Variants in SAMD12 observed in about 807,000 individuals in gnomAD.
SAMD12 encodes the protein sterile alpha motif domain containing 12, also known as sterile alpha motif domain-containing protein 12.
In SAMD12, 9 loss-of-function variants were observed where a neutral mutation model predicts 15.0. The ratio of observed to expected loss-of-function variants is 0.60; its 90% CI spans 0.36 to 1.05. SAMD12 has a LOEUF of 1.05. SAMD12 is among the 50% of genes least tolerant of loss of function. SAMD12 has a pLI of 0.01. For missense variants in SAMD12, 230 were observed against 234.2 expected (o/e 0.98, Z 0.12); for synonymous variants, 86 against 90.1 (o/e 0.96, Z 0.25).
chr8:118,569,386 A>G (rs1488711079), intron 2 of SAMD12, among the ~76,000 whole-genome samples: 1 of 152,294 alleles, frequency 6.6e-6, no homozygotes, highest in East Asian at 1.9e-4. Context: ...CATTTGGATG[A>G]GATACTGAAC....
At chr8:118,149,026 G>T in the SAMD12 span, among the ~76,000 whole-genome samples, 1 of 152,226 alleles carries the variant, frequency 6.6e-6, no homozygotes, top group South Asian at 2.1e-4. Context: ...CATACATACA[G>T]TTTTATTTTT....
In SAMD12 at chr8:118,379,427, A is replaced by G. The variant is rs754562447; in HGVS notation, c.596T>C (p.Ile199Thr). ...LHRISIIENS[I>T]QI Reference sequence around the variant, plus strand: ...CAAAGGGAAGTAATCTTAAATCTGTATACTATTTTCTATGATGGAAATTCT... The same window carrying G: ...CAAAGGGAAGTAATCTTAAATCTGTGTACTATTTTCTATGATGGAAATTCT... Residue 199 changes from isoleucine (I) to threonine (T), a missense_variant, in exon 4 of 4, where the codon ATA becomes ACA. Physicochemically the swap from Ile to Thr is moderately conservative, Grantham distance 89. Coordinates refer to ENST00000314727, the MANE Select transcript of SAMD12 (RefSeq NM_207506.3). The G allele has an allele frequency of 8.7e-6, 14 of 1,613,302 alleles. No individual in the cohort carries two copies. In the Admixed American group the frequency reaches 2.0e-4, roughly 23 times the overall value.
chr8:118,272,811 A>G (rs1248798140), intron 4 of SAMD12, among the ~76,000 whole-genome samples: 1 of 152,148 alleles, frequency 6.6e-6, no homozygotes, highest in African/African-American at 2.4e-5. Flanking sequence ...TTCATTGTCC[A>G]TATCACTATT....
At chr8:118,556,295 A>C (rs1452298161) in intron 2 of SAMD12, among the ~76,000 whole-genome samples, 6 of 152,230 alleles carry the variant, frequency 3.9e-5, no homozygotes, top group African/African-American at 7.2e-5. Flanking sequence ...AAATTCTAGA[A>C]CTGAAAATGC....
At chr8:118,390,748 T>G (rs1367202558) in intron 3 of SAMD12, among the ~76,000 whole-genome samples, 1 of 152,158 alleles carries the variant, frequency 6.6e-6, no homozygotes, top group Non-Finnish European at 1.5e-5. Flanking sequence ...TTTAGATGAT[T>G]AGCAGTTAAT....
intron 2 of SAMD12, among the ~76,000 whole-genome samples, chr8:118,548,801 G>C (rs1826221940): frequency 6.6e-6 from 1 of 152,220 alleles, no homozygotes; most frequent in Non-Finnish European, 1.5e-5. Flanking sequence ...GACGGCACCT[G>C]GAAAATCGGG....
At chr8:118,563,766 G>T (rs1275140915) in intron 2 of SAMD12, among the ~76,000 whole-genome samples, 2 of 152,160 alleles carry the variant, frequency 1.3e-5, no homozygotes, top group Non-Finnish European at 2.9e-5. Context: ...AAATGAACAG[G>T]TTGGATTAGA....
chr8:118,386,146 A>G (rs1819944194), intron 3 of SAMD12, among the ~76,000 whole-genome samples: 1 of 152,206 alleles, frequency 6.6e-6, no homozygotes, highest in South Asian at 2.1e-4. Flanking sequence ...CAGGGGCTTC[A>G]AACAATAGAA....
At chr8:118,393,046 A>G (rs893567828) in intron 3 of SAMD12, among the ~76,000 whole-genome samples, 2 of 152,066 alleles carry the variant, frequency 1.3e-5, no homozygotes, top group Admixed American at 6.5e-5. Context: ...ACAACAAAAC[A>G]CTTACTTTTG....
At chr8:118,599,919 A>T (rs1221194997) in intron 1 of SAMD12, among the ~76,000 whole-genome samples, 1 of 152,172 alleles carries the variant, frequency 6.6e-6, no homozygotes, top group Non-Finnish European at 1.5e-5. Flanking sequence ...AGGCGACTCA[A>T]TTAGAAACCC....
chr8:118,378,996 A>G lies in SAMD12; in HGVS notation c.*421T>C. On this transcript the variant is annotated 3_prime_UTR_variant, in exon 4 of 4. Coordinates refer to ENST00000314727, the MANE Select transcript of SAMD12 (RefSeq NM_207506.3). The stretch of plus-strand genomic sequence containing the variant: ...TTTCAAGAAGCTAAATGGGGTTCTT[A>G]CAATCTCTAAAGTGTGTGTGTATAA... The G allele has an allele frequency of 3.1e-6, 3 of 979,526 alleles. No individual in the cohort carries two copies. Among genetic ancestry groups the G allele is most frequent in the Non-Finnish European group, 3.7e-6 (3 of 821,750 alleles). 60.7% of individuals were successfully genotyped at this position (979,526 alleles called of 1,614,324 possible).
chr8:118,447,303 T>C (rs946362428), intron 2 of SAMD12, among the ~76,000 whole-genome samples: 1 of 149,450 alleles, frequency 6.7e-6, no homozygotes, highest in Non-Finnish European at 1.5e-5. Context: ...GTTGAAATCT[T>C]TTTTTTTTTT....
the SAMD12 span, among the ~76,000 whole-genome samples, chr8:118,150,956 C>T: frequency 6.6e-6 from 1 of 151,994 alleles, no homozygotes; most frequent in Non-Finnish European, 1.5e-5. Flanking sequence ...ACCTGTAGTC[C>T]TAGCCTCTTG....
At chr8:118,593,318 C>T (rs952551763) in intron 1 of SAMD12, among the ~76,000 whole-genome samples, 4 of 151,974 alleles carry the variant, frequency 2.6e-5, no homozygotes, top group African/African-American at 2.4e-5. Context: ...GATAAGTATA[C>T]GAGTTGCTAA....
rs4053452 is a variant in SAMD12, at chr8:118,321,144, A to AATATATATATAT, written c.433+58404_433+58415dup. Among the ~76,000 whole-genome samples, 208 of 94,396 alleles carry AATATATATATAT rather than the reference A, an allele frequency of 2.2e-3. 2 individuals carry two copies. The highest frequency in any genetic ancestry group is 3.2e-3 in the African/African-American group (79 of 24,632). 61.9% of individuals were successfully genotyped at this position (94,396 alleles called of 152,430 possible). On this transcript the variant is annotated intron_variant, in intron 4 of 4. Coordinates refer to the SAMD12 transcript ENST00000409003. Reference sequence around the variant, plus strand: ...TATAACATATATATCATAGATAATAAATATATATATATATATATATATATA... The same window carrying AATATATATATAT: ...TATAACATATATATCATAGATAATAAATATATATATATATATATATATATATATATATATATA...
chr8:118,247,575 A>C (rs1812725819), intron 4 of SAMD12, among the ~76,000 whole-genome samples: 1 of 151,714 alleles, frequency 6.6e-6, no homozygotes, highest in South Asian at 2.1e-4. Flanking sequence ...AAACTTTAAA[A>C]ATTTTATTTA....
intron 2 of SAMD12, among the ~76,000 whole-genome samples, chr8:118,449,420 T>G (rs1823009774): frequency 6.6e-6 from 1 of 151,750 alleles, no homozygotes; most frequent in African/African-American, 2.4e-5. Context: ...GAGATGGTGT[T>G]AGGTATAGTC....
intron 4 of SAMD12, among the ~76,000 whole-genome samples, chr8:118,252,203 G>C (rs1039156280): frequency 2.6e-5 from 4 of 152,172 alleles, no homozygotes; most frequent in African/African-American, 9.7e-5. Flanking sequence ...CTCATTTAGA[G>C]TACTTCTATG....
chr8:118,352,773 A>G (rs370824735), intron 4 of SAMD12, among the ~76,000 whole-genome samples: 17 of 152,324 alleles, frequency 1.1e-4, no homozygotes, highest in Admixed American at 6.5e-4. Flanking sequence ...CTCGTTTTTA[A>G]TGCACTAAGA....
Sources: gnomAD v4.1 joint callset for allele counts (sites outside exome capture counted in the v4.1 genomes callset) on GRCh38, gnomAD v4.1.1 for gene constraint, MANE v1.5 for transcripts, NCBI Gene and HGNC (gene_info 2026-07-23, HGNC 2026-07-21) for gene names.